GDAP1: variants seen among roughly 807,000 people sequenced by gnomAD.
GDAP1 encodes ganglioside induced differentiation associated protein 1, also known as ganglioside-induced differentiation-associated protein 1.
In GDAP1, 34 loss-of-function variants were observed where a neutral mutation model predicts 40.1. The ratio of observed to expected loss-of-function variants is 0.85; its 90% CI spans 0.64 to 1.13. The LOEUF is 1.13. GDAP1 is among the 50% of genes most tolerant of loss of function. The pLI, the probability that GDAP1 is intolerant of heterozygous loss-of-function variation, is 0.00. For synonymous variants in GDAP1, 170 were observed against 157.4 expected, an observed-to-expected ratio of 1.08 and a Z score of -0.60; for missense variants, 374 against 433.7, an observed-to-expected ratio of 0.86 and a Z score of 1.22.
chr8:74,380,915 T>C (rs7018207), intron 2 of GDAP1, among the ~76,000 whole-genome samples: 41,032 of 152,114 alleles, frequency 0.27, 6,132 homozygotes, highest in Non-Finnish European at 0.34. Flanking sequence ...TCTTCCCTAT[T>C]GATAGTCTTA....
intron 2 of GDAP1, among the ~76,000 whole-genome samples, chr8:74,488,429 A>G (rs1806802545): frequency 6.6e-6 from 1 of 152,052 alleles, no homozygotes; most frequent in Non-Finnish European, 1.5e-5. Flanking sequence ...TTTTAGTGTA[A>G]CTTTCTAATC....
At chr8:74,382,594 T>C (rs565808767) in intron 2 of GDAP1, among the ~76,000 whole-genome samples, 21 of 152,272 alleles carry the variant, frequency 1.4e-4, no homozygotes, top group Non-Finnish European at 2.1e-4. Flanking sequence ...CTTTTTTTCA[T>C]TGGCAAATAC....
chr8:74,354,693 A>G (rs1809022418), intron 2 of GDAP1, among the ~76,000 whole-genome samples: 1 of 152,238 alleles, frequency 6.6e-6, no homozygotes, highest in Non-Finnish European at 1.5e-5. Context: ...TGTTAAAACA[A>G]ATGGCTAGTG....
At chr8:74,356,843 T>C (rs1809126165) in intron 2 of GDAP1, among the ~76,000 whole-genome samples, 1 of 150,720 alleles carries the variant, frequency 6.6e-6, no homozygotes, top group African/African-American at 2.4e-5. Context: ...GCCTCCCGAG[T>C]AGCTGGGACT....
chr8:74,474,466 T>C (rs1222651271), intron 2 of GDAP1, among the ~76,000 whole-genome samples: 2 of 152,098 alleles, frequency 1.3e-5, no homozygotes, highest in Non-Finnish European at 2.9e-5. Context: ...AGGTATGTCC[T>C]TTCAATACCT....
chr8:74,433,939 G>T (rs2131566499), intron 2 of GDAP1, among the ~76,000 whole-genome samples: 1 of 152,328 alleles, frequency 6.6e-6, no homozygotes, highest in East Asian at 1.9e-4. Context: ...GCAGTCTGTG[G>T]CTCCATGGGG....
Position 74,428,425 on chromosome 8 carries a change from A to G in GDAP1, c.166-60253A>G, listed in dbSNP as rs550213405. ...ATGTGTAGGTGGAAAGGGTGTCCAC[A>G]TTTTACATGAAATGTCATCTCAGAA... On this transcript the variant is annotated intron_variant, in intron 2 of 2. Transcript: ENST00000523640. Among the ~76,000 whole-genome samples, 42 of 151,292 alleles carry G rather than the reference A, an allele frequency of 2.8e-4. 1 individual carries two copies. In the South Asian group the frequency reaches 8.1e-3, roughly 29 times the overall value.
At chr8:74,410,174 A>G (rs1035102802) in intron 2 of GDAP1, among the ~76,000 whole-genome samples, 9 of 150,314 alleles carry the variant, frequency 6.0e-5, no homozygotes, top group South Asian at 2.1e-4. Context: ...TGAAGTCACC[A>G]TGGGACATTC....
intron 2 of GDAP1, among the ~76,000 whole-genome samples, chr8:74,386,274 C>A (rs947820620): frequency 2.0e-5 from 3 of 152,092 alleles, no homozygotes; most frequent in African/African-American, 7.2e-5. Flanking sequence ...ATGCCTATGT[C>A]CTGAATGGTA....
At chr8:74,407,103 A>G (rs574046237) in intron 2 of GDAP1, among the ~76,000 whole-genome samples, 1 of 150,038 alleles carries the variant, frequency 6.7e-6, no homozygotes, top group Non-Finnish European at 1.5e-5. Flanking sequence ...AATTAACAGG[A>G]AGTACAAAAG....
At chr8:74,353,136 G>C (rs1808954704) in intron 2 of GDAP1, among the ~76,000 whole-genome samples, 1 of 152,118 alleles carries the variant, frequency 6.6e-6, no homozygotes, top group African/African-American at 2.4e-5. Flanking sequence ...AATAAGTTCT[G>C]TGTCCTGCTA....
At chr8:74,370,021 A>G (rs1809720839), downstream of GDAP1, among the ~76,000 whole-genome samples, 1 of 152,246 alleles carries the variant, frequency 6.6e-6, no homozygotes, top group Admixed American at 6.5e-5. Flanking sequence ...TTTCATATAA[A>G]TTGAAGCCAA....
chr8:74,416,981 A>G (rs1212309783), intron 2 of GDAP1, among the ~76,000 whole-genome samples: 2 of 147,252 alleles, frequency 1.4e-5, no homozygotes, highest in Non-Finnish European at 2.9e-5. Flanking sequence ...TGGGAAGGAA[A>G]GTCGGCAGCT....
At chr8:74,438,004 C>A (rs1031791219) in intron 2 of GDAP1, among the ~76,000 whole-genome samples, 9 of 151,956 alleles carry the variant, frequency 5.9e-5, no homozygotes, top group African/African-American at 2.2e-4. Flanking sequence ...GGCATGGTGG[C>A]TCACGCCTGT....
intron 2 of GDAP1, among the ~76,000 whole-genome samples, chr8:74,480,880 A>G (rs1193525369): frequency 6.6e-6 from 1 of 152,206 alleles, no homozygotes; most frequent in Admixed American, 6.5e-5. Flanking sequence ...TAAGCCATTC[A>G]GGTAATGGAA....
intron 2 of GDAP1, among the ~76,000 whole-genome samples, chr8:74,477,662 G>C (rs1586847563): frequency 1.3e-5 from 2 of 152,068 alleles, no homozygotes; most frequent in South Asian, 4.1e-4. Flanking sequence ...CTGCTGTGTT[G>C]GAGGGGCCCA....
intron 2 of GDAP1, among the ~76,000 whole-genome samples, chr8:74,428,030 C>G (rs943573673): frequency 3.3e-5 from 5 of 152,114 alleles, no homozygotes; most frequent in African/African-American, 1.2e-4. Context: ...CCAGAGACAA[C>G]AGTACCTAAA....
At chr8:74,422,239 TC>T in intron 2 of GDAP1, among the ~76,000 whole-genome samples, 1 of 150,452 alleles carries the variant, frequency 6.6e-6, no homozygotes, top group Non-Finnish European at 1.5e-5. Flanking sequence ...CCTTCCTCCC[TC>T]CCTCCCTCCT....
intron 2 of GDAP1, among the ~76,000 whole-genome samples, chr8:74,413,064 T>TAAAAAA (rs1805734747): frequency 5.2e-3 from 2 of 386 alleles, no homozygotes; most frequent in African/African-American, 0.015. Flanking sequence ...AGACTCTGTC[T>TAAAAAA]CAAAAAAAAA....
Sources: allele counts gnomAD v4.1 joint callset (sites outside exome capture counted in the v4.1 genomes callset), GRCh38; gene constraint gnomAD v4.1.1; transcripts MANE v1.5; gene names NCBI Gene and HGNC (gene_info 2026-07-23, HGNC 2026-07-21).